Variants in CTTNBP2NL observed in about 807,000 individuals in gnomAD.
CTTNBP2NL encodes CTTNBP2 N-terminal like, also known as CTTNBP2 N-terminal-like protein.
Under a neutral mutation model 32.5 loss-of-function variants are expected in CTTNBP2NL, and 16 were observed. The ratio of observed to expected loss-of-function variants is 0.49; its 90% CI spans 0.33 to 0.75. CTTNBP2NL has a LOEUF of 0.75. Among genes scored for constraint, CTTNBP2NL ranks in the 30% least tolerant of loss-of-function variants. The probability of loss-of-function intolerance (pLI) is 0.02; values close to 1 mark genes in which losing one functional copy is unlikely to be tolerated. For synonymous variants in CTTNBP2NL, 298 were observed against 289.4 expected (o/e 1.03, Z -0.30); for missense variants, 645 against 756.0 (o/e 0.85, Z 1.72).
Position 112,459,345 on chromosome 1 carries a change from A to G in CTTNBP2NL, c.*1933A>G, listed in dbSNP as rs1257606364. 6.6e-6 allele frequency: 1 copy of G among 152,226 alleles called. No individual in the cohort carries two copies. The highest frequency in any genetic ancestry group is 2.4e-5 in the African/African-American group (1 of 41,452). The allele number at this position is 152,226 out of a possible 1,614,324, so 9.4% of individuals were successfully genotyped here. On this transcript the variant is annotated 3_prime_UTR_variant, in exon 6 of 6. Transcript: ENST00000271277. ...AACCCAGCTCAGACACAGTGGTTATATGATTTTGTGTCCATACAGGAGAGG... is the reference window on the plus strand; with the variant it reads ...AACCCAGCTCAGACACAGTGGTTATGTGATTTTGTGTCCATACAGGAGAGG...
rs113252174 is a variant in CTTNBP2NL, at chr1:112,448,647, A to G, written c.100-295A>G. 6.3e-4 allele frequency among the ~76,000 whole-genome samples: 96 copies of G among 152,202 alleles called. 1 individual carries two copies. The highest frequency in any genetic ancestry group is 1.3e-3 in the Non-Finnish European group (87 of 68,042). On this transcript the variant is annotated intron_variant, in intron 3 of 5. Transcript: ENST00000271277. ...AGTAACCAGGAATAGTTTTCTCATCAGCAAAATCGAGATGATAGCACTACC... is the reference window on the plus strand; with the variant it reads ...AGTAACCAGGAATAGTTTTCTCATCGGCAAAATCGAGATGATAGCACTACC...
At chr1:112,412,560 G>T (rs575071209) in intron 2 of CTTNBP2NL, among the ~76,000 whole-genome samples, 7 of 144,564 alleles carry the variant, frequency 4.8e-5, no homozygotes, top group Admixed American at 2.8e-4. Context: ...CTTTCCTCCT[G>T]TGTAATATTT....
intron 5 of CTTNBP2NL, among the ~76,000 whole-genome samples, chr1:112,455,042 GT>G (rs1650323243): frequency 6.6e-6 from 1 of 152,120 alleles, no homozygotes; most frequent in African/African-American, 2.4e-5. Context: ...GATGTTTTCT[GT>G]TTATATATTT....
chr1:112,435,864 A>G (rs1649712211), intron 3 of CTTNBP2NL, among the ~76,000 whole-genome samples: 1 of 152,184 alleles, frequency 6.6e-6, no homozygotes, highest in Non-Finnish European at 1.5e-5. Flanking sequence ...AGTAAGGGGA[A>G]CTTTCAGTAT....
chr1:112,448,856 C>A, intron 3 of CTTNBP2NL, 86 bp from the exon 4 acceptor site: 1 of 747,994 alleles, frequency 1.3e-6, no homozygotes, highest in Admixed American at 2.2e-5. Context: ...ATACCACAAC[C>A]TTTAATGTAT....
At chr1:112,450,527 A>G (rs1040145768) in intron 4 of CTTNBP2NL, among the ~76,000 whole-genome samples, 20 of 152,156 alleles carry the variant, frequency 1.3e-4, no homozygotes, top group African/African-American at 4.8e-4. Flanking sequence ...AAAAATCTTC[A>G]CAACATTCTT....
intron 1 of CTTNBP2NL, among the ~76,000 whole-genome samples, chr1:112,399,090 C>T (rs1243805275): frequency 1.3e-5 from 2 of 151,766 alleles, no homozygotes; most frequent in Non-Finnish European, 2.9e-5. Flanking sequence ...GAAGCTGAGG[C>T]GGGTGGATCA....
At chr1:112,420,558 T>G (rs1448484760) in intron 3 of CTTNBP2NL, among the ~76,000 whole-genome samples, 3 of 152,134 alleles carry the variant, frequency 2.0e-5, no homozygotes, top group African/African-American at 7.2e-5. Context: ...AGCCTCAACC[T>G]GCTGGACTTC....
rs576835787 is a variant in CTTNBP2NL at position 112,422,060 on chromosome 1, T to A, written c.99+5796T>A. Among the ~76,000 whole-genome samples the A allele has an allele frequency of 2.3e-3, 344 of 152,320 alleles. 2 individuals are homozygous for A. Among genetic ancestry groups the A allele is most frequent in the African/African-American group, 7.8e-3 (323 of 41,562 alleles). Reference sequence around the variant, plus strand: ...TATGTGTTTCCCCAAGAAACCATTATCACAATCAAGATAACAAACATATCC... The same window carrying A: ...TATGTGTTTCCCCAAGAAACCATTAACACAATCAAGATAACAAACATATCC... On this transcript the variant is annotated intron_variant, in intron 3 of 5. Transcript: ENST00000271277.
At chr1:112,413,934 G>A (rs1040365091) in intron 2 of CTTNBP2NL, among the ~76,000 whole-genome samples, 8 of 152,106 alleles carry the variant, frequency 5.3e-5, no homozygotes, top group African/African-American at 1.9e-4. Flanking sequence ...TGTAATCCCA[G>A]CTACTTGGGA....
At chr1:112,426,090 C>T (rs1649389517) in intron 3 of CTTNBP2NL, among the ~76,000 whole-genome samples, 1 of 151,126 alleles carries the variant, frequency 6.6e-6, no homozygotes, top group South Asian at 2.1e-4. Context: ...CCCAGAAAGC[C>T]TTCAGTCTGT....
chr1:112,457,270 C>A lies in CTTNBP2NL; in HGVS notation c.1778C>A (p.Pro593Gln), dbSNP rs771312411. The change falls in exon 6 of 6, where the codon CCA becomes CAA. Residue 593 changes from proline (P) to glutamine (Q), a missense_variant. Physicochemically the swap from Pro to Gln is moderately conservative, Grantham distance 76 (BLOSUM62 -1). Coordinates refer to ENST00000271277, the MANE Select transcript of CTTNBP2NL (RefSeq NM_018704.3). ...PPKKPGLTPS[P>Q]SATTPLTKTH... ...AAGAAACCTGGCCTCACCCCTTCTC[C>A]ATCTGCTACCACTCCATTGACCAAA... is the stretch of plus-strand genomic sequence containing the variant. The A allele has an allele frequency of 6.2e-7, 1 of 1,614,200 alleles. No homozygotes were observed. Among genetic ancestry groups the A allele is most frequent in the Admixed American group, 1.7e-5 (1 of 60,022 alleles).
chr1:112,427,516 A>G (rs1209541594), intron 3 of CTTNBP2NL, among the ~76,000 whole-genome samples: 1 of 152,238 alleles, frequency 6.6e-6, no homozygotes, highest in Non-Finnish European at 1.5e-5. Context: ...CCATTTACGA[A>G]ACATTTTGTA....
intron 3 of CTTNBP2NL, among the ~76,000 whole-genome samples, chr1:112,439,411 T>C (rs1649830918): frequency 1.3e-5 from 2 of 152,204 alleles, no homozygotes; most frequent in African/African-American, 4.8e-5. Context: ...CTGTGTAATA[T>C]CAGTCTGTTT....
At chr1:112,448,287 A>G (rs925314700) in intron 3 of CTTNBP2NL, among the ~76,000 whole-genome samples, 4 of 152,232 alleles carry the variant, frequency 2.6e-5, no homozygotes, top group Non-Finnish European at 4.4e-5. Context: ...AGGTGCCTCC[A>G]TCCTCCTTGA....
At chr1:112,405,015 C>T (rs1032896690) in intron 1 of CTTNBP2NL, among the ~76,000 whole-genome samples, 2 of 150,398 alleles carry the variant, frequency 1.3e-5, no homozygotes, top group South Asian at 2.1e-4. Flanking sequence ...TGCGGTGAGC[C>T]GAGGTTGCGC....
At chr1:112,442,146 G>A (rs527324959) in intron 3 of CTTNBP2NL, among the ~76,000 whole-genome samples, 1 of 152,112 alleles carries the variant, frequency 6.6e-6, no homozygotes, top group Non-Finnish European at 1.5e-5. Context: ...TTTGTTTTGA[G>A]ACAGTGTCTC....
At chr1:112,400,105 A>G (rs1448791449) in intron 1 of CTTNBP2NL, among the ~76,000 whole-genome samples, 1 of 152,192 alleles carries the variant, frequency 6.6e-6, no homozygotes, top group African/African-American at 2.4e-5. Flanking sequence ...AAGTTTCTGA[A>G]TATTTGCTGC....
intron 3 of CTTNBP2NL, among the ~76,000 whole-genome samples, chr1:112,424,908 C>T (rs1649346665): frequency 6.6e-6 from 1 of 151,958 alleles, no homozygotes; most frequent in Admixed American, 6.6e-5. Flanking sequence ...CCTCAAGCCC[C>T]AGGCTCAAGT....
Sources: allele counts gnomAD v4.1 joint callset (sites outside exome capture counted in the v4.1 genomes callset), GRCh38; gene constraint gnomAD v4.1.1; transcripts MANE v1.5; gene names NCBI Gene and HGNC (gene_info 2026-07-23, HGNC 2026-07-21).